The following FHOD3 variants were observed in gnomAD, a reference collection of about 807,000 sequenced individuals.
The protein encoded by FHOD3 is FH1/FH2 domain-containing protein 3.
Under a neutral mutation model 173.0 loss-of-function variants are expected in FHOD3, and 90 were observed. That is an observed-to-expected ratio of 0.52 (90% CI 0.44 to 0.62). The LOEUF (loss-of-function observed/expected upper bound fraction) is 0.62, where lower values mean the gene tolerates loss of function less well. Ranked by LOEUF, FHOD3 falls within the 20% of genes least tolerant of loss-of-function variation. The pLI is 0.00. For synonymous variants in FHOD3, 828 were observed against 823.0 expected (o/e 1.01, Z -0.10); for missense variants, 1,945 against 2,034.7 (o/e 0.96, Z 0.85).
chr18:36,484,674 C>G (rs1293406285), intron 3 of FHOD3, among the ~76,000 whole-genome samples: 1 of 152,140 alleles, frequency 6.6e-6, no homozygotes, highest in Non-Finnish European at 1.5e-5. Flanking sequence ...GAGGGAGCCT[C>G]TAAGTATGGT....
chr18:36,736,253 C>T (rs1022276429), intron 20 of FHOD3, among the ~76,000 whole-genome samples: 3 of 152,238 alleles, frequency 2.0e-5, no homozygotes, highest in African/African-American at 7.2e-5. Context: ...CCCCACAGGG[C>T]ATGTGTACAG....
chr18:36,602,100 C>T (rs2031469435), intron 7 of FHOD3, among the ~76,000 whole-genome samples: 1 of 152,238 alleles, frequency 6.6e-6, no homozygotes, highest in African/African-American at 2.4e-5. Flanking sequence ...TGCCTAGCTG[C>T]TCCATTAGAT....
At chr18:36,651,489 A>C (rs1479592873) in intron 11 of FHOD3, among the ~76,000 whole-genome samples, 1 of 152,240 alleles carries the variant, frequency 6.6e-6, no homozygotes, top group Non-Finnish European at 1.5e-5. Context: ...ATGGTGGCTC[A>C]CGCCTGTAAT....
chr18:36,310,776 A>G (rs1049365603), intron 1 of FHOD3, among the ~76,000 whole-genome samples: 1 of 151,518 alleles, frequency 6.6e-6, no homozygotes, highest in Admixed American at 6.6e-5. Context: ...CCTCGTGGAG[A>G]AGGAGGGTGG....
chr18:36,400,351 C>G lies in FHOD3; in HGVS notation c.337+27607C>G, dbSNP rs924316549. Among the ~76,000 whole-genome samples the G allele has an allele frequency of 1.3e-4, 20 of 152,238 alleles. 1 individual carries two copies. Among genetic ancestry groups the G allele is most frequent in the Middle Eastern group, 3.4e-3 (1 of 294 alleles). ...ATAGAAACGTTGTTCTTTCCTGTTCCTCTTCTAAATGGAGAGGACAATGGT... is the reference window on the plus strand; with the variant it reads ...ATAGAAACGTTGTTCTTTCCTGTTCGTCTTCTAAATGGAGAGGACAATGGT... On this transcript the variant is annotated intron_variant, in intron 3 of 28. Coordinates refer to ENST00000590592, the MANE Select transcript of FHOD3 (RefSeq NM_001281740.3).
At chr18:36,433,027 G>T (rs557067904) in intron 3 of FHOD3, among the ~76,000 whole-genome samples, 47 of 152,250 alleles carry the variant, frequency 3.1e-4, no homozygotes, top group Middle Eastern at 6.8e-3. Context: ...CTCTGCTCTT[G>T]CCCTGGAAGT....
At chr18:36,578,213 T>A (rs1188145343) in intron 6 of FHOD3, among the ~76,000 whole-genome samples, 3 of 152,190 alleles carry the variant, frequency 2.0e-5, no homozygotes, top group Non-Finnish European at 2.9e-5. Flanking sequence ...AGAGGTTTAA[T>A]GGACTCACAG....
At position 36,356,914 on chromosome 18, in the gene FHOD3, G is replaced by A. The variant is rs150517805; in HGVS notation, c.272+1269G>A. 2.0e-4 allele frequency among the ~76,000 whole-genome samples: 31 copies of A among 152,192 alleles called. 1 individual carries two copies. The East Asian group carries it at 4.8e-3, about 24-fold the overall frequency. On this transcript the variant is annotated intron_variant, in intron 2 of 28. Coordinates refer to ENST00000590592, the MANE Select transcript of FHOD3 (RefSeq NM_001281740.3). Reference sequence around the variant, plus strand: ...CTCCCTAAGTGCTGGGATTACAGGCGTGAGTCACCATACCCAGCCTACTTC... The same window carrying A: ...CTCCCTAAGTGCTGGGATTACAGGCATGAGTCACCATACCCAGCCTACTTC...
intron 3 of FHOD3, among the ~76,000 whole-genome samples, chr18:36,407,022 A>G (rs140813906): frequency 3.9e-5 from 6 of 152,350 alleles, no homozygotes; most frequent in Admixed American, 1.3e-4. Flanking sequence ...CCATTAGTAT[A>G]CAGTGTAATC....
At chr18:36,694,093 G>C (rs913751459) in intron 17 of FHOD3, among the ~76,000 whole-genome samples, 1 of 152,160 alleles carries the variant, frequency 6.6e-6, no homozygotes, top group African/African-American at 2.4e-5. Context: ...CATACTGTGG[G>C]TCCGTTTTCT....
At chr18:36,363,215 G>A (rs1195898055) in intron 2 of FHOD3, among the ~76,000 whole-genome samples, 3 of 152,194 alleles carry the variant, frequency 2.0e-5, no homozygotes, top group African/African-American at 7.2e-5. Context: ...AAATGACACG[G>A]CCACTTTGGA....
intron 3 of FHOD3, among the ~76,000 whole-genome samples, chr18:36,389,540 TA>T (rs1201841563): frequency 1.4e-4 from 22 of 152,368 alleles, no homozygotes; most frequent in Admixed American, 1.3e-3. Context: ...CAGTCCCGCA[TA>T]CTCCTCACTT....
chr18:36,713,101 T>C (rs7232251), intron 18 of FHOD3, among the ~76,000 whole-genome samples: 32,651 of 152,134 alleles, frequency 0.21, 4,130 homozygotes, highest in African/African-American at 0.35. Context: ...AACAGACCTA[T>C]CCTCAAAGAA....
At chr18:36,463,509 A>T (rs1020520976) in intron 3 of FHOD3, among the ~76,000 whole-genome samples, 12 of 128,248 alleles carry the variant, frequency 9.4e-5, no homozygotes, top group Non-Finnish European at 1.4e-4. Context: ...AAATATATAT[A>T]TTTTTTGAGA....
Position 36,655,606 on chromosome 18 carries a change from C to G in FHOD3, c.1721+2190C>G, listed in dbSNP as rs142119869. Among the ~76,000 whole-genome samples, 1,268 of 152,240 alleles carry G rather than the reference C, an allele frequency of 8.3e-3. 14 individuals are homozygous for G. The highest frequency in any genetic ancestry group is 0.024 in the Middle Eastern group (7 of 294). On this transcript the variant is annotated intron_variant, in intron 13 of 28. Coordinates refer to ENST00000590592, the MANE Select transcript of FHOD3 (RefSeq NM_001281740.3). ...CTTGGATACTGTACAAGTATTGTTCCTATTGATTTTTCTGATGTTCACTTT... is the reference window on the plus strand; with the variant it reads ...CTTGGATACTGTACAAGTATTGTTCGTATTGATTTTTCTGATGTTCACTTT...
At chr18:36,527,449 A>G (rs2056575666) in intron 5 of FHOD3, among the ~76,000 whole-genome samples, 1 of 152,186 alleles carries the variant, frequency 6.6e-6, no homozygotes, top group Non-Finnish European at 1.5e-5. Flanking sequence ...TCGAATAACA[A>G]AACTGATTCT....
intron 3 of FHOD3, among the ~76,000 whole-genome samples, chr18:36,374,429 T>G (rs556961103): frequency 6.6e-6 from 1 of 152,332 alleles, no homozygotes; most frequent in East Asian, 1.9e-4. Flanking sequence ...TTATCAGAAT[T>G]ATGTAATTTA....
At chr18:36,634,062 A>G (rs1352356006) in intron 10 of FHOD3, among the ~76,000 whole-genome samples, 2 of 152,300 alleles carry the variant, frequency 1.3e-5, no homozygotes, top group East Asian at 3.9e-4. Flanking sequence ...TTAACTATCA[A>G]TTATCGTGAG....
intron 5 of FHOD3, among the ~76,000 whole-genome samples, chr18:36,556,278 A>AT (rs947454822): frequency 2.0e-5 from 3 of 151,888 alleles, no homozygotes; most frequent in African/African-American, 4.8e-5. Context: ...TTATATATGA[A>AT]TTTTTTTTCA....
Sources: allele counts gnomAD v4.1 joint callset (sites outside exome capture counted in the v4.1 genomes callset), GRCh38; gene constraint gnomAD v4.1.1; transcripts MANE v1.5; gene names NCBI Gene and HGNC (gene_info 2026-07-23, HGNC 2026-07-21).